KAZN: variants seen among roughly 807,000 people sequenced by gnomAD.
KAZN encodes kazrin, periplakin interacting protein, also known as kazrin.
KAZN carries 40 observed loss-of-function variants against 87.4 expected under a neutral mutation model. That is an observed-to-expected ratio of 0.46 (90% confidence interval 0.36 to 0.60). KAZN has a LOEUF of 0.60. Ranked by LOEUF, KAZN falls within the 20% of genes least tolerant of loss-of-function variation. KAZN has a pLI of 0.00. For missense variants in KAZN, 898 were observed against 1,073.9 expected, an observed-to-expected ratio of 0.84 and a Z score of 2.29; for synonymous variants, 466 against 458.3, an observed-to-expected ratio of 1.02 and a Z score of -0.22.
At chr1:14,770,186 A>C (rs74494242) in intron 1 of KAZN, among the ~76,000 whole-genome samples, 1 of 152,152 alleles carries the variant, frequency 6.6e-6, no homozygotes, top group African/African-American at 2.4e-5. Context: ...AGGAAAAGAG[A>C]AAGCCATAGA....
At chr1:14,643,009 T>A (rs893721725) in intron 1 of KAZN, among the ~76,000 whole-genome samples, 3 of 152,194 alleles carry the variant, frequency 2.0e-5, no homozygotes, top group African/African-American at 7.2e-5. Flanking sequence ...GCAGCTGCAT[T>A]CCCGGGTACA....
chr1:14,451,910 T>C (rs6668363), intron 2 of KAZN, among the ~76,000 whole-genome samples: 41,388 of 151,888 alleles, frequency 0.27, 6,600 homozygotes, highest in Middle Eastern at 0.44. Flanking sequence ...GATTGGACGC[T>C]GTTTTGGGAT....
chr1:14,631,238 A>C (rs1679538674), intron 1 of KAZN, among the ~76,000 whole-genome samples: 2 of 152,320 alleles, frequency 1.3e-5, no homozygotes, highest in East Asian at 1.9e-4. Flanking sequence ...AAAAGGGCGG[A>C]GCTGCCACGG....
chr1:14,283,800 A>G (rs1653032020), intron 2 of KAZN, among the ~76,000 whole-genome samples: 1 of 152,228 alleles, frequency 6.6e-6, no homozygotes, highest in Non-Finnish European at 1.5e-5. Context: ...GAAAACCTGT[A>G]TAAAAATGTT....
chr1:14,883,531 G>A (rs1037649220), intron 1 of KAZN, among the ~76,000 whole-genome samples: 1 of 151,860 alleles, frequency 6.6e-6, no homozygotes, highest in African/African-American at 2.4e-5. Context: ...CTGGGTCACA[G>A]CCAAAGGGAG....
chr1:14,062,915 G>C (rs1434689874), intron 1 of KAZN, among the ~76,000 whole-genome samples: 1 of 152,184 alleles, frequency 6.6e-6, no homozygotes, highest in African/African-American at 2.4e-5. Flanking sequence ...TGAGCAATTA[G>C]AAGTCTGGCC....
At chr1:14,887,318 T>C (rs1350697856) in intron 1 of KAZN, among the ~76,000 whole-genome samples, 1 of 152,230 alleles carries the variant, frequency 6.6e-6, no homozygotes, top group Non-Finnish European at 1.5e-5. Flanking sequence ...TGCAGTAGCA[T>C]TGCCGTGAAG....
chr1:14,569,353 C>T (rs925902248), intron 2 of KAZN, among the ~76,000 whole-genome samples: 38 of 112,752 alleles, frequency 3.4e-4, no homozygotes, highest in African/African-American at 6.2e-4. Context: ...GACGGAGTCT[C>T]GCTCTGTCAC....
rs1413302438 is a variant in KAZN, at chr1:14,097,858, C to T, written c.92-82577C>T. Among the ~76,000 whole-genome samples, 5 of 152,136 alleles carry T rather than the reference C, an allele frequency of 3.3e-5. No homozygotes were observed. In the East Asian group the frequency reaches 9.6e-4, roughly 29 times the overall value. ...AGGGAAAGAAGTTGAATCAGTTCCCCAGATGAGCCCAGAGCTCACCTTCCT... is the reference window on the plus strand; with the variant it reads ...AGGGAAAGAAGTTGAATCAGTTCCCTAGATGAGCCCAGAGCTCACCTTCCT... On this transcript the variant is annotated intron_variant, in intron 1 of 16. Transcript: ENST00000636203.
intron 1 of KAZN, among the ~76,000 whole-genome samples, chr1:14,713,123 T>C (rs1403488115): frequency 2.6e-5 from 4 of 152,218 alleles, no homozygotes; most frequent in Non-Finnish European, 4.4e-5. Flanking sequence ...GGCTACCTGC[T>C]GGGGTGACTG....
In KAZN at chr1:14,996,282, C is replaced by T. The variant is rs949151596; in HGVS notation, c.418+35407C>T. ...CCCGTGTGTCTCTGTCCACCCAGAC[C>T]AGCAAGCAGGATGACTCACACCTTC... On this transcript the variant is annotated intron_variant, in intron 2 of 14. Coordinates refer to ENST00000376030, the MANE Select transcript of KAZN (RefSeq NM_201628.3). The surrounding 1 kb of genome is among the most constrained non-coding windows in gnomAD (Gnocchi z 5.9). 2.0e-5 allele frequency among the ~76,000 whole-genome samples: 3 copies of T among 152,154 alleles called. No homozygotes were observed. Among genetic ancestry groups the T allele is most frequent in the Non-Finnish European group, 4.4e-5 (3 of 68,016 alleles).
chr1:13,914,978 C>CCTGG lies in KAZN; in HGVS notation c.91+21223_91+21226dup, dbSNP rs78291264. On this transcript the variant is annotated intron_variant, in intron 1 of 16. Transcript: ENST00000636203. ...GAGCAGGGGACCCAATTATACTGTG[C>CCTGG]CTGGATCCATGACCCTCGGAATGGA... Among the ~76,000 whole-genome samples the CCTGG allele has an allele frequency of 6.8e-3, 1,039 of 152,308 alleles. 70 individuals carry two copies. In the East Asian group the frequency reaches 0.13, roughly 19 times the overall value.
intron 2 of KAZN, among the ~76,000 whole-genome samples, chr1:14,205,924 G>T (rs1221506382): frequency 3.3e-4 from 4 of 12,162 alleles, no homozygotes; most frequent in East Asian, 0.053. Flanking sequence ...AATGTTAAAT[G>T]ACGAGTTTAA....
At chr1:14,998,867 G>A (rs1004686377) in intron 2 of KAZN, among the ~76,000 whole-genome samples, 1 of 152,130 alleles carries the variant, frequency 6.6e-6, no homozygotes, top group Non-Finnish European at 1.5e-5. Context: ...ACTTTAGACT[G>A]GAAAAACTGA....
intron 2 of KAZN, among the ~76,000 whole-genome samples, chr1:14,550,388 C>T (rs1163565606): frequency 1.3e-5 from 2 of 152,146 alleles, no homozygotes. Context: ...GCTGCAGGTT[C>T]AGAAGGCAGC....
chr1:14,312,764 T>G (rs1396994608), intron 2 of KAZN, among the ~76,000 whole-genome samples: 1 of 152,154 alleles, frequency 6.6e-6, no homozygotes, highest in Non-Finnish European at 1.5e-5. Context: ...TGTTGCCTTC[T>G]TGGCTTGCAT....
At chr1:14,057,918 T>C (rs1470893286) in intron 1 of KAZN, among the ~76,000 whole-genome samples, 1 of 152,236 alleles carries the variant, frequency 6.6e-6, no homozygotes, top group Non-Finnish European at 1.5e-5. Flanking sequence ...ACAAAGAGTA[T>C]AATGAACAAC....
intron 1 of KAZN, among the ~76,000 whole-genome samples, chr1:14,713,877 GC>G (rs1307376135): frequency 1.3e-5 from 2 of 151,602 alleles, no homozygotes; most frequent in Non-Finnish European, 2.9e-5. Flanking sequence ...GATCGCTTGA[GC>G]CCAGGAGATG....
intron 2 of KAZN, among the ~76,000 whole-genome samples, chr1:14,280,495 T>C (rs1360361281): frequency 6.6e-6 from 1 of 150,540 alleles, no homozygotes; most frequent in East Asian, 2.0e-4. Context: ...TAATGCCACG[T>C]GAAGGTGAAT....
Sources: gnomAD v4.1 joint callset for allele counts (sites outside exome capture counted in the v4.1 genomes callset) on GRCh38, gnomAD v4.1.1 for gene constraint, Gnocchi (gnomAD v3.1) non-coding constraint, MANE v1.5 for transcripts, NCBI Gene and HGNC (gene_info 2026-07-23, HGNC 2026-07-21) for gene names.